VASH1: variants seen among roughly 807,000 people sequenced by gnomAD.
VASH1 encodes vasohibin 1.
Under a neutral mutation model 35.0 loss-of-function variants are expected in VASH1, and 16 were observed. The ratio of observed to expected loss-of-function variants is 0.46; its 90% CI spans 0.31 to 0.70. The LOEUF (loss-of-function observed/expected upper bound fraction) is 0.70, where lower values mean the gene tolerates loss of function less well. Among genes scored for constraint, VASH1 ranks in the 30% least tolerant of loss-of-function variants. The pLI, the probability that VASH1 is intolerant of heterozygous loss-of-function variation, is 0.05. For synonymous variants in VASH1, 214 were observed against 200.9 expected (o/e 1.07, Z -0.55); for missense variants, 505 against 510.7 (o/e 0.99, Z 0.11).
In VASH1 at chr14:76,776,075, G is replaced by A. The variant is rs1031953540; in HGVS notation, c.714G>A (p.Glu238=). 1.9e-6 allele frequency: 3 copies of A among 1,609,424 alleles called. No individual in the cohort carries two copies. The highest frequency in any genetic ancestry group is 2.7e-5 in the African/African-American group (2 of 75,040). The part of the protein sequence containing the change: ...YKPPAFRTLS[E]LVLDFEAAYG... ...CGCCCGCCTTCCGCACGCTCAGCGA[G>A]CTCGTGCTGGACTTCGAGGCCGCCT... The change falls in exon 5 of 7, where the codon GAG becomes GAA. Residue 238 remains glutamate (E), a synonymous_variant. Coordinates refer to ENST00000167106, the MANE Select transcript of VASH1 (RefSeq NM_014909.5).
In VASH1 at chr14:76,761,913, C is replaced by T. The variant is rs1009879362; in HGVS notation, c.-909C>T. On this transcript the variant is annotated 5_prime_UTR_variant, in exon 1 of 7. Transcript: ENST00000167106. Reference sequence around the variant, plus strand: ...CCTGGCCCCTGCGCGCCGCCCGAGCCGGTCCCGCTGAGCCGCGGGCCCCGT... The same window carrying T: ...CCTGGCCCCTGCGCGCCGCCCGAGCTGGTCCCGCTGAGCCGCGGGCCCCGT... 6.6e-6 allele frequency among the ~76,000 whole-genome samples: 1 copy of T among 151,716 alleles called. No individual in the cohort carries two copies. Among genetic ancestry groups the T allele is most frequent in the African/African-American group, 2.4e-5 (1 of 41,390 alleles).
In VASH1 at chr14:76,769,851, G is replaced by C. The variant is rs1595271126; in HGVS notation, c.310-112G>C. The C allele has an allele frequency of 8.5e-6, 9 of 1,057,032 alleles. No individual in the cohort carries two copies. The East Asian group carries it at 2.2e-4, about 26-fold the overall frequency. The allele number at this position is 1,057,032 out of a possible 1,614,324, so 65.5% of individuals were successfully genotyped here. On this transcript the variant is annotated intron_variant, in intron 1 of 6. Coordinates refer to ENST00000167106, the MANE Select transcript of VASH1 (RefSeq NM_014909.5). ...GGAAGCTCAAGTGGGAGGGAGGGGA[G>C]GCTGTGCCTCCCCAGGGTGGGGCGC...
At chr14:76,777,660 C>T (rs191538390) in intron 5 of VASH1, among the ~76,000 whole-genome samples, 13 of 152,296 alleles carry the variant, frequency 8.5e-5, no homozygotes, top group East Asian at 1.9e-4. Context: ...ACAACTGGCA[C>T]GTTTACCTGG....
chr14:76,763,437 G>A (rs146702965), intron 1 of VASH1, among the ~76,000 whole-genome samples: 2,245 of 152,322 alleles, frequency 0.015, 29 homozygotes, highest in Middle Eastern at 0.024. Flanking sequence ...TCATTTGCTT[G>A]ATGACACTTG....
intron 1 of VASH1, chr14:76,769,281 C>T (rs924903905): frequency 1.6e-6 from 2 of 1,286,374 alleles, no homozygotes; most frequent in East Asian, 1.1e-4. Flanking sequence ...GAAACCTGTA[C>T]TGACTAGGTG....
At chr14:76,778,649 A>G (rs958070966) in intron 6 of VASH1, among the ~76,000 whole-genome samples, 3 of 152,240 alleles carry the variant, frequency 2.0e-5, no homozygotes, top group African/African-American at 7.2e-5. Flanking sequence ...AGGCTTTTGT[A>G]GATGACAGAT....
At chr14:76,778,885 CA>C in intron 6 of VASH1, 60 bp from the exon 7 acceptor site, 1 of 1,557,888 alleles carries the variant, frequency 6.4e-7, no homozygotes, top group Non-Finnish European at 8.9e-7. Context: ...GCTGGCTCCC[CA>C]ACTCCATCTC....
At position 76,772,818 on chromosome 14, in the gene VASH1, G is replaced by T. The variant is rs577029674; in HGVS notation, c.456-319G>T. ...GCCCCAGCCTGGTGGCTGGAGAGAA[G>T]TTGCCCCCAGCTTCTGCTGCCCTCC... On this transcript the variant is annotated intron_variant, in intron 3 of 6. Transcript: ENST00000167106. Among the ~76,000 whole-genome samples, 7 of 152,348 alleles carry T rather than the reference G, an allele frequency of 4.6e-5. 1 individual carries two copies. The South Asian group carries it at 1.4e-3, about 32-fold the overall frequency.
intron 4 of VASH1, 57 bp from the exon 5 acceptor site, chr14:76,775,835 C>T: frequency 6.7e-7 from 1 of 1,493,950 alleles, no homozygotes. Context: ...CCCAGTCCCT[C>T]CCGGTGTGCT....
At position 76,779,607 on chromosome 14, in the gene VASH1, A is replaced by G. The variant is rs1566688888; in HGVS notation, c.*589A>G. On this transcript the variant is annotated 3_prime_UTR_variant, in exon 7 of 7. Transcript: ENST00000167106. ...CACAGGCCACATCTGCCCCAAGAGC[A>G]TGAGCTCGTGGCTCAGGAGAGCCTT... 4.8e-6 allele frequency: 3 copies of G among 622,638 alleles called. No homozygotes were observed. The highest frequency in any genetic ancestry group is 8.6e-6 in the Non-Finnish European group (3 of 347,996). The allele number at this position is 622,638 out of a possible 1,614,324, so 38.6% of individuals were successfully genotyped here. A position where few individuals can be genotyped will look rare whatever the true frequency, so the allele number is the denominator to read the frequency against.
At position 76,777,986 on chromosome 14, in the gene VASH1, C is replaced by G; in HGVS notation, c.940C>G (p.Pro314Ala). The stretch of plus-strand genomic sequence containing the variant: ...TGGCAAAGGGACGGGCCCTCCCTCT[C>G]CCACCAAGGACCGGAAGAAGGATGT... ...KIGKGTGPPS[P>A]TKDRKKDVSS... Residue 314 changes from proline (P) to alanine (A), a missense_variant, in exon 6 of 7, where the codon CCC (proline) becomes GCC (alanine). By Grantham distance (27) the Pro-to-Ala change is conservative. Coordinates refer to ENST00000167106, the MANE Select transcript of VASH1 (RefSeq NM_014909.5). 1 of 1,543,114 alleles carries G rather than the reference C, an allele frequency of 6.5e-7. No homozygotes were observed. Among genetic ancestry groups the G allele is most frequent in the Non-Finnish European group, 8.7e-7 (1 of 1,145,632 alleles).
rs1242815081 is a variant in VASH1 at position 76,781,806 on chromosome 14, TAC to T, written c.*2792_*2793del. The T allele has an allele frequency of 6.5e-6, 1 of 153,090 alleles. No individual in the cohort carries two copies. 9.5% of individuals were successfully genotyped at this position (153,090 alleles called of 1,614,324 possible). On this transcript the variant is annotated 3_prime_UTR_variant, in exon 7 of 7. Coordinates refer to ENST00000167106, the MANE Select transcript of VASH1 (RefSeq NM_014909.5). Reference sequence around the variant, plus strand: ...CCCCTCCTCCCCTCCTGGGCATGTTTACACAGGCTCTGCTCTGGGGGCTGGCC... The same window carrying T: ...CCCCTCCTCCCCTCCTGGGCATGTTTACAGGCTCTGCTCTGGGGGCTGGCC...
At chr14:76,773,478 C>A (rs1893848084) in intron 4 of VASH1, 2 of 505,114 alleles carry the variant, frequency 4.0e-6, no homozygotes, top group African/African-American at 1.9e-5. Context: ...GATACAGGGA[C>A]CGTTTTCTGA....
At chr14:76,769,511 C>A in intron 1 of VASH1, 2 of 1,286,630 alleles carry the variant, frequency 1.6e-6, no homozygotes, top group Non-Finnish European at 2.0e-6. Flanking sequence ...CCCTCAGGAC[C>A]ACTCCCAAAG....
chr14:76,773,860 T>TC (rs1419556937), intron 4 of VASH1: 1 of 152,292 alleles, frequency 6.6e-6, no homozygotes, highest in Non-Finnish European at 1.5e-5. Flanking sequence ...TACCTTTTCT[T>TC]CTCAGTCATT....
rs572314298 is a variant in VASH1, at chr14:76,762,896, C to G, written c.75C>G (p.Pro25=). 1.4e-5 allele frequency: 22 copies of G among 1,571,590 alleles called. No individual in the cohort carries two copies. The East Asian group carries it at 4.7e-4, about 33-fold the overall frequency. Residue 25 remains proline, a synonymous_variant, in exon 1 of 7, where the codon CCC becomes CCG. Transcript: ENST00000167106. ...CAACGTCCGCTGCGGCCACCGCCCC[C>G]TCTGGGGTCAGGCGTTTGGAGACCA... ...ATPTSAAATA[P]SGVRRLETSE...
At chr14:76,767,287 A>AAAT (rs1566682341) in intron 1 of VASH1, among the ~76,000 whole-genome samples, 19 of 102,056 alleles carry the variant, frequency 1.9e-4, no homozygotes, top group Non-Finnish European at 3.8e-4. Flanking sequence ...AATAAATAAA[A>AAAT]AGTCACGACT....
intron 4 of VASH1, chr14:76,773,589 C>A (rs927235734): frequency 2.8e-6 from 1 of 357,994 alleles, no homozygotes; most frequent in Admixed American, 4.7e-5. Flanking sequence ...GTTGGCATTT[C>A]CAGAACATGT....
chr14:76,762,219 G>A lies in VASH1; in HGVS notation c.-603G>A, dbSNP rs1893522808. 1 of 151,322 alleles carries A rather than the reference G, an allele frequency of 6.6e-6. No homozygotes were observed. The allele number at this position is 151,322 out of a possible 1,614,324, so 9.4% of individuals were successfully genotyped here. A position where few individuals can be genotyped will look rare whatever the true frequency, so the allele number is the denominator to read the frequency against. On this transcript the variant is annotated 5_prime_UTR_variant, in exon 1 of 7. Coordinates refer to ENST00000167106, the MANE Select transcript of VASH1 (RefSeq NM_014909.5). ...CGGCCAGCTGCGAGTCTTGGCTCCCGGACTTGTCTCGTCGCGTCGGAGAAA... is the reference window on the plus strand; with the variant it reads ...CGGCCAGCTGCGAGTCTTGGCTCCCAGACTTGTCTCGTCGCGTCGGAGAAA...
Sources: gnomAD v4.1 joint callset for allele counts (sites outside exome capture counted in the v4.1 genomes callset) on GRCh38, gnomAD v4.1.1 for gene constraint, MANE v1.5 for transcripts, NCBI Gene and HGNC (gene_info 2026-07-23, HGNC 2026-07-21) for gene names.